Variants in MANEAL observed in about 807,000 individuals in gnomAD.
MANEAL encodes glycoprotein endo-alpha-1,2-mannosidase-like protein.
A neutral mutation model predicts 35.9 loss-of-function variants in MANEAL; 28 were observed. The ratio of observed to expected loss-of-function variants is 0.78; its 90% CI spans 0.58 to 1.07. The LOEUF is 1.07. Ranked by LOEUF, MANEAL falls within the 50% of genes least tolerant of loss-of-function variation. The pLI, the probability that MANEAL is intolerant of heterozygous loss-of-function variation, is 0.00. For synonymous variants in MANEAL, 286 were observed against 272.2 expected, an observed-to-expected ratio of 1.05 and a Z score of -0.50; for missense variants, 576 against 629.6, an observed-to-expected ratio of 0.91 and a Z score of 0.91.
intron 3 of MANEAL, among the ~76,000 whole-genome samples, chr1:37,798,711 C>T (rs1001493216): frequency 1.7e-4 from 25 of 148,492 alleles, no homozygotes; most frequent in African/African-American, 6.0e-4. Flanking sequence ...CCAGCCTGGG[C>T]GATACAGTGA....
intron 1 of MANEAL, chr1:37,795,473 A>C: frequency 7.7e-7 from 1 of 1,297,578 alleles, no homozygotes; most frequent in Non-Finnish European, 9.9e-7. Flanking sequence ...CCTTTGTTCT[A>C]CTACTTGCTG....
At position 37,794,165 on chromosome 1, in the gene MANEAL, A is replaced by T. The variant is rs1471174866; in HGVS notation, c.-18A>T. The T allele has an allele frequency of 2.5e-6, 3 of 1,189,448 alleles. No homozygotes were observed. The East Asian group carries it at 1.4e-4, about 55-fold the overall frequency. 73.7% of individuals were successfully genotyped at this position (1,189,448 alleles called of 1,614,324 possible). On this transcript the variant is annotated 5_prime_UTR_variant, in exon 1 of 4. Coordinates refer to ENST00000373045, the MANE Select transcript of MANEAL (RefSeq NM_001113482.2). This position sits in a 1 kb window ranked among gnomAD's most constrained non-coding sequence, Gnocchi z 5.7. The stretch of plus-strand genomic sequence containing the variant: ...CGCTGGGAGGTAGCGCGGCGGCTGC[A>T]GGAGCGCACAGTCGGCCATGGCCCG...
rs1359634060 is a variant in MANEAL, at chr1:37,794,725, C to T, written c.543C>T (p.Ala181=). Residue 181 remains alanine, a synonymous_variant, in exon 1 of 4, where the codon GCC becomes GCT. Transcript: ENST00000373045. The surrounding 1 kb of genome is among the most constrained non-coding windows in gnomAD (Gnocchi z 5.7). ...AGCATATGACCCAGCTCAAGGAAGC[C>T]GCCATCGGTGAGCGCCCCCCACCCC... The part of the protein sequence containing the change: ...LREHMTQLKE[A]AIGVLVLSWY... 1 of 1,564,856 alleles carries T rather than the reference C, an allele frequency of 6.4e-7. No homozygotes were observed. The highest frequency in any genetic ancestry group is 1.2e-5 in the South Asian group (1 of 86,806).
rs200368367 is a variant in MANEAL at position 37,796,793 on chromosome 1, A to T, written c.710A>T (p.His237Leu). Reference protein sequence around the residue: ...PYKGRDDITVHDNIKYIIDTY... With the variant: ...PYKGRDDITVLDNIKYIIDTY... ...AAGGGCCGGGATGACATCACTGTAC[A>T]TGACAACATCAAGTACATCATTGAC... Residue 237 changes from histidine (H) to leucine (L), a missense_variant, in exon 3 of 4, where the codon CAT becomes CTT. Transcript: ENST00000373045. The T allele has an allele frequency of 6.2e-7, 1 of 1,609,980 alleles. No homozygotes were observed. Among genetic ancestry groups the T allele is most frequent in the Non-Finnish European group, 8.5e-7 (1 of 1,178,214 alleles).
At position 37,799,935 on chromosome 1, in the gene MANEAL, C is replaced by T. The variant is rs1646681199; in HGVS notation, c.1106C>T (p.Pro369Leu). 2 of 1,614,080 alleles carry T rather than the reference C, an allele frequency of 1.2e-6. No individual in the cohort carries two copies. The highest frequency in any genetic ancestry group is 1.1e-5 in the South Asian group (1 of 91,086). Residue 369 changes from proline to leucine, a missense_variant, in exon 4 of 4, where the codon CCC becomes CTC. Around this residue, in one of 3 missense-constraint regions of MANEAL, gnomAD observed 449 missense variants for 516.1 expected, o/e 0.87. Coordinates refer to ENST00000373045, the MANE Select transcript of MANEAL (RefSeq NM_001113482.2). This position sits in a 1 kb window ranked among gnomAD's most constrained non-coding sequence, Gnocchi z 4.1. ...GPGYIDTSIR[P>L]WNNHNTRNRV... Reference sequence around the variant, plus strand: ...GGCTACATAGACACCAGCATTCGGCCCTGGAACAACCACAATACGCGCAAC... The same window carrying T: ...GGCTACATAGACACCAGCATTCGGCTCTGGAACAACCACAATACGCGCAAC...
Position 37,794,777 on chromosome 1 carries a change from C to T in MANEAL, c.550+45C>T, listed in dbSNP as rs1206484901. 7.9e-6 allele frequency: 10 copies of T among 1,268,616 alleles called. No homozygotes were observed. Among genetic ancestry groups the T allele is most frequent in the Non-Finnish European group, 8.8e-6 (8 of 910,786 alleles). 78.6% of individuals were successfully genotyped at this position (1,268,616 alleles called of 1,614,324 possible). A position where few individuals can be genotyped will look rare whatever the true frequency, so the allele number is the denominator to read the frequency against. On this transcript the variant is annotated intron_variant, in intron 1 of 3. Transcript: ENST00000373045. This position sits in a 1 kb window ranked among gnomAD's most constrained non-coding sequence, Gnocchi z 5.7. ...GGCGGCCCTGCCCCCCAGCCTCACC[C>T]TTCCTCCTTCCCACACCCCAGCTCC...
At chr1:37,797,440 T>C (rs956476831) in intron 3 of MANEAL, among the ~76,000 whole-genome samples, 1 of 149,158 alleles carries the variant, frequency 6.7e-6, no homozygotes, top group Non-Finnish European at 1.5e-5. Context: ...CTGCGTGCAA[T>C]GGCTCATGCC....
Position 37,799,525 on chromosome 1 carries a change from G to GGTCTC in MANEAL, c.738-41_738-37dup. On this transcript the variant is annotated intron_variant, in intron 3 of 3. Transcript: ENST00000373045. The surrounding 1 kb of genome is among the most constrained non-coding windows in gnomAD (Gnocchi z 4.1). ...CCACGGGAGGTCCTACAGCTGTGCT[G>GGTCTC]GTCTCTCCCATCCAGCTGAGGCTCT... 6.3e-7 allele frequency: 1 copy of GGTCTC among 1,587,552 alleles called. No homozygotes were observed. The highest frequency in any genetic ancestry group is 1.3e-5 in the African/African-American group (1 of 74,436).
At position 37,799,744 on chromosome 1, in the gene MANEAL, G is replaced by A; in HGVS notation, c.915G>A (p.Leu305=). 6.2e-7 allele frequency: 1 copy of A among 1,614,236 alleles called. No individual in the cohort carries two copies. The highest frequency in any genetic ancestry group is 8.5e-7 in the Non-Finnish European group (1 of 1,180,052). Residue 305 remains leucine (L), a synonymous_variant, in exon 4 of 4, where the codon CTG becomes CTA. Coordinates refer to ENST00000373045, the MANE Select transcript of MANEAL (RefSeq NM_001113482.2). This position sits in a 1 kb window ranked among gnomAD's most constrained non-coding sequence, Gnocchi z 4.1. ...ACGATGGGGTCTTCATAGCGCTGCT[G>A]GTGGAGGAGGGCCACACCCACGATA... ...TPYDGVFIAL[L]VEEGHTHDIL...
At position 37,794,673 on chromosome 1, in the gene MANEAL, G is replaced by T; in HGVS notation, c.491G>T (p.Ser164Ile). Residue 164 changes from serine (S) to isoleucine (I), a missense_variant, in exon 1 of 4, where the codon AGC (serine) becomes ATC (isoleucine). This residue lies in a region of MANEAL where 449 missense variants were observed against 516.1 expected (regional missense o/e 0.87). Coordinates refer to ENST00000373045, the MANE Select transcript of MANEAL (RefSeq NM_001113482.2). This position sits in a 1 kb window ranked among gnomAD's most constrained non-coding sequence, Gnocchi z 5.7. ...TTCTACCCGGAGCTGGGGCCCTACA[G>T]CTCCCGGGACCCCGAAGTGCTGCGG... ...SSFYPELGPY[S>I]SRDPEVLREH... is the part of the protein sequence containing the mutation. 6.2e-7 allele frequency: 1 copy of T among 1,609,300 alleles called. No individual in the cohort carries two copies. The highest frequency in any genetic ancestry group is 8.5e-7 in the Non-Finnish European group (1 of 1,178,606).
chr1:37,793,901 G>T lies in MANEAL; in HGVS notation c.-282G>T. ...AGGCGACTCTTCTTTCGCGGGTCACGCGGCCTGACTCAGGCCCCTGCTCCT... is the reference window on the plus strand; with the variant it reads ...AGGCGACTCTTCTTTCGCGGGTCACTCGGCCTGACTCAGGCCCCTGCTCCT... On this transcript the variant is annotated 5_prime_UTR_variant, in exon 1 of 4. Coordinates refer to ENST00000373045, the MANE Select transcript of MANEAL (RefSeq NM_001113482.2). 1 of 155,666 alleles carries T rather than the reference G, an allele frequency of 6.4e-6. No homozygotes were observed. Among genetic ancestry groups the T allele is most frequent in the Non-Finnish European group, 1.4e-5 (1 of 70,372 alleles). 9.6% of individuals were successfully genotyped at this position (155,666 alleles called of 1,614,324 possible). A position where few individuals can be genotyped will look rare whatever the true frequency, so the allele number is the denominator to read the frequency against.
intron 1 of MANEAL, chr1:37,795,518 C>A: frequency 6.5e-6 from 9 of 1,376,344 alleles, no homozygotes; most frequent in South Asian, 1.5e-5. Flanking sequence ...TCCGGCCTGG[C>A]GCGCTACGGT....
chr1:37,795,692 G>T, intron 1 of MANEAL, 45 bp from the exon 2 acceptor site: 1 of 1,612,302 alleles, frequency 6.2e-7, no homozygotes, highest in Non-Finnish European at 8.5e-7. Context: ...CTCTGTTGAG[G>T]GGGGTACTGT....
At position 37,799,066 on chromosome 1, in the gene MANEAL, A is replaced by AAAAAG. The variant is rs1646671566; in HGVS notation, c.738-491_738-487dup. 6.6e-6 allele frequency among the ~76,000 whole-genome samples: 1 copy of AAAAAG among 152,098 alleles called. No individual in the cohort carries two copies. Among genetic ancestry groups the AAAAAG allele is most frequent in the Non-Finnish European group, 1.5e-5 (1 of 68,016 alleles). On this transcript the variant is annotated intron_variant, in intron 3 of 3. Coordinates refer to ENST00000373045, the MANE Select transcript of MANEAL (RefSeq NM_001113482.2). The surrounding 1 kb of genome is among the most constrained non-coding windows in gnomAD (Gnocchi z 4.1). ...GAAAAAAGTAGTAATAATAAGAAGA[A>AAAAAG]AAAAGAAAAGAAAAAGGGTCAGCTC...
Position 37,794,769 on chromosome 1 carries a change from G to C in MANEAL, c.550+37G>C. 1 of 1,368,232 alleles carries C rather than the reference G, an allele frequency of 7.3e-7. No homozygotes were observed. The highest frequency in any genetic ancestry group is 1.0e-6 in the Non-Finnish European group (1 of 998,078). 84.8% of individuals were successfully genotyped at this position (1,368,232 alleles called of 1,614,324 possible). On this transcript the variant is annotated intron_variant, in intron 1 of 3. Coordinates refer to ENST00000373045, the MANE Select transcript of MANEAL (RefSeq NM_001113482.2). This position sits in a 1 kb window ranked among gnomAD's most constrained non-coding sequence, Gnocchi z 5.7. Reference sequence around the variant, plus strand: ...CCACCCCGGGCGGCCCTGCCCCCCAGCCTCACCCTTCCTCCTTCCCACACC... The same window carrying C: ...CCACCCCGGGCGGCCCTGCCCCCCACCCTCACCCTTCCTCCTTCCCACACC...
chr1:37,794,050 G>A lies in MANEAL; in HGVS notation c.-133G>A, dbSNP rs2148382879. On this transcript the variant is annotated 5_prime_UTR_variant, in exon 1 of 4. Transcript: ENST00000373045. The surrounding 1 kb of genome is among the most constrained non-coding windows in gnomAD (Gnocchi z 5.7). Reference sequence around the variant, plus strand: ...TGTGCCGAGCCCGCCCGCACTGCGGGGACAGGCCGGGCGCCGCCCACGCCG... The same window carrying A: ...TGTGCCGAGCCCGCCCGCACTGCGGAGACAGGCCGGGCGCCGCCCACGCCG... 2.2e-6 allele frequency: 1 copy of A among 454,570 alleles called. No individual in the cohort carries two copies. Among genetic ancestry groups the A allele is most frequent in the Non-Finnish European group, 3.0e-6 (1 of 336,422 alleles). 28.2% of individuals were successfully genotyped at this position (454,570 alleles called of 1,614,324 possible).
intron 1 of MANEAL, 47 bp from the exon 2 acceptor site, chr1:37,795,689 GA>G (rs1267446673): frequency 9.9e-6 from 16 of 1,610,902 alleles, no homozygotes; most frequent in Middle Eastern, 1.7e-4. Context: ...AATCTCTGTT[GA>G]GGGGGGTACT....
Position 37,799,891 on chromosome 1 carries a change from C to A in MANEAL, c.1062C>A (p.Phe354Leu). The A allele has an allele frequency of 6.2e-7, 1 of 1,614,260 alleles. No homozygotes were observed. Among genetic ancestry groups the A allele is most frequent in the Non-Finnish European group, 8.5e-7 (1 of 1,180,048 alleles). ...KNFCDANNLM[F>L]IPSVGPGYID... is the part of the protein sequence containing the mutation. ...TTTGTGATGCCAACAACCTCATGTT[C>A]ATCCCCAGTGTGGGGCCTGGCTACA... Residue 354 changes from phenylalanine (F) to leucine (L), a missense_variant, in exon 4 of 4, where the codon TTC becomes TTA. Physicochemically the swap from Phe to Leu is conservative, Grantham distance 22. Around this residue, in one of 3 missense-constraint regions of MANEAL, gnomAD observed 449 missense variants for 516.1 expected, o/e 0.87. Transcript: ENST00000373045. The surrounding 1 kb of genome is among the most constrained non-coding windows in gnomAD (Gnocchi z 4.1).
chr1:37,799,492 T>C lies in MANEAL; in HGVS notation c.738-75T>C. 6.6e-7 allele frequency: 1 copy of C among 1,504,586 alleles called. No homozygotes were observed. Among genetic ancestry groups the C allele is most frequent in the Non-Finnish European group, 8.9e-7 (1 of 1,117,412 alleles). 93.2% of individuals were successfully genotyped at this position (1,504,586 alleles called of 1,614,324 possible). ...CCAGAACTGGGCTGTGTTGCATCCG[T>C]ATCTCATCCACGGGAGGTCCTACAG... On this transcript the variant is annotated intron_variant, in intron 3 of 3. Coordinates refer to ENST00000373045, the MANE Select transcript of MANEAL (RefSeq NM_001113482.2). The surrounding 1 kb of genome is among the most constrained non-coding windows in gnomAD (Gnocchi z 4.1).
Sources: allele counts gnomAD v4.1 joint callset (sites outside exome capture counted in the v4.1 genomes callset), GRCh38; gene constraint gnomAD v4.1.1; regional missense constraint gnomAD v4.1.1; non-coding constraint Gnocchi (gnomAD v3.1); transcripts MANE v1.5; gene names NCBI Gene and HGNC (gene_info 2026-07-23, HGNC 2026-07-21).